The following LRFN5 variants were observed in gnomAD, a reference collection of about 807,000 sequenced individuals.
LRFN5 encodes leucine rich repeat and fibronectin type III domain containing 5.
LRFN5 carries 24 observed loss-of-function variants against 45.6 expected under a neutral mutation model. That is an observed-to-expected ratio of 0.53 (90% CI 0.38 to 0.74). The LOEUF (loss-of-function observed/expected upper bound fraction) is 0.74, where lower values mean the gene tolerates loss of function less well. Ranked by LOEUF, LRFN5 falls within the 30% of genes least tolerant of loss-of-function variation. LRFN5 has a pLI of 0.00. For missense variants in LRFN5, 776 were observed against 861.5 expected (o/e 0.90, Z 1.24); for synonymous variants, 340 against 313.8 (o/e 1.08, Z -0.88).
chr14:41,865,127 G>C (rs531207236), intron 2 of LRFN5, among the ~76,000 whole-genome samples: 6 of 151,940 alleles, frequency 3.9e-5, no homozygotes, highest in African/African-American at 1.4e-4. Context: ...GTGCAATCTA[G>C]TGTTTTTTAG....
chr14:41,722,050 A>G (rs1363935693), intron 1 of LRFN5, among the ~76,000 whole-genome samples: 1 of 151,980 alleles, frequency 6.6e-6, no homozygotes, highest in African/African-American at 2.4e-5. Context: ...TTTTTTGAAG[A>G]CTTTGTTCAT....
chr14:41,831,507 C>A (rs1175562882), intron 2 of LRFN5, among the ~76,000 whole-genome samples: 1 of 152,076 alleles, frequency 6.6e-6, no homozygotes, highest in Non-Finnish European at 1.5e-5. Flanking sequence ...GCTATACTTA[C>A]ATAGATGTAT....
intron 1 of LRFN5, among the ~76,000 whole-genome samples, chr14:41,765,180 A>C (rs1475978676): frequency 2.0e-5 from 3 of 151,894 alleles, no homozygotes; most frequent in African/African-American, 4.8e-5. Context: ...TCTCTACTAA[A>C]AGTACAAAAA....
At chr14:41,833,909 T>C (rs1474569041) in intron 2 of LRFN5, among the ~76,000 whole-genome samples, 1 of 152,200 alleles carries the variant, frequency 6.6e-6, no homozygotes, top group Non-Finnish European at 1.5e-5. Flanking sequence ...ATTTACTTAT[T>C]ATTGTGAATC....
intron 3 of LRFN5, 47 bp from the exon 4 acceptor site, chr14:41,891,203 T>C: frequency 7.1e-7 from 1 of 1,416,666 alleles, no homozygotes; most frequent in South Asian, 1.2e-5. Flanking sequence ...TCTGTGTATG[T>C]GTTTTGTTTT....
intron 2 of LRFN5, among the ~76,000 whole-genome samples, chr14:41,793,700 GA>G (rs35581928): frequency 0.16 from 22,835 of 145,882 alleles, 1,846 homozygotes; most frequent in Non-Finnish European, 0.19. Flanking sequence ...CTACTCCTAA[GA>G]AAAAAAAAAA....
intron 2 of LRFN5, among the ~76,000 whole-genome samples, chr14:41,790,533 T>G (rs1048732346): frequency 6.6e-6 from 1 of 151,366 alleles, no homozygotes; most frequent in Non-Finnish European, 1.5e-5. Context: ...TTCTGCTAAT[T>G]AATATTTGCT....
At chr14:41,724,911 C>A (rs934574750) in intron 1 of LRFN5, among the ~76,000 whole-genome samples, 30 of 152,066 alleles carry the variant, frequency 2.0e-4, no homozygotes, top group Non-Finnish European at 1.2e-4. Flanking sequence ...CTTTCAAAAG[C>A]CTTGTAGATT....
intron 1 of LRFN5, among the ~76,000 whole-genome samples, chr14:41,681,750 T>C (rs1016249183): frequency 6.6e-6 from 1 of 151,856 alleles, no homozygotes; most frequent in Non-Finnish European, 1.5e-5. Context: ...CAGAATATTA[T>C]AACACTGTAA....
chr14:41,648,018 A>G (rs1879900722), intron 1 of LRFN5, among the ~76,000 whole-genome samples: 1 of 152,208 alleles, frequency 6.6e-6, no homozygotes, highest in African/African-American at 2.4e-5. Flanking sequence ...GTAACCCTAT[A>G]TTAACATATC....
At chr14:41,790,577 GTT>G (rs10711984) in intron 2 of LRFN5, among the ~76,000 whole-genome samples, 1,532 of 143,064 alleles carry the variant, frequency 0.011, 26 homozygotes, top group African/African-American at 0.034. Flanking sequence ...GGCTAATTTT[GTT>G]TTTTTTTTTT....
At chr14:41,880,520 ACTTT>A (rs1266403720) in intron 2 of LRFN5, among the ~76,000 whole-genome samples, 3 of 152,098 alleles carry the variant, frequency 2.0e-5, no homozygotes, top group African/African-American at 7.2e-5. Flanking sequence ...TTAATTAATT[ACTTT>A]AATTTTAATT....
At chr14:41,674,645 TGGG>T (rs1207624294) in intron 1 of LRFN5, among the ~76,000 whole-genome samples, 1 of 133,164 alleles carries the variant, frequency 7.5e-6, no homozygotes, top group African/African-American at 2.9e-5. Flanking sequence ...GTTGGCCAGG[TGGG>T]GGGCTGATCC....
In LRFN5 at chr14:41,854,818, G is replaced by A. The variant is rs1381432025; in HGVS notation, c.-20-31788G>A. 2.0e-5 allele frequency among the ~76,000 whole-genome samples: 3 copies of A among 152,050 alleles called. No homozygotes were observed. In the East Asian group the frequency reaches 5.8e-4, roughly 29 times the overall value. ...AAAGGAGATTGATTTGTGGAGGAGA[G>A]CCTAATTATCTTGTAGGTTTTAAAC... On this transcript the variant is annotated intron_variant, in intron 2 of 5. Transcript: ENST00000298119.
At chr14:41,661,943 T>C (rs980767975) in intron 1 of LRFN5, among the ~76,000 whole-genome samples, 1 of 152,076 alleles carries the variant, frequency 6.6e-6, no homozygotes, top group African/African-American at 2.4e-5. Context: ...TAACTACTTA[T>C]CATTATTTGT....
At chr14:41,868,596 A>T (rs989447622) in intron 2 of LRFN5, among the ~76,000 whole-genome samples, 2 of 152,134 alleles carry the variant, frequency 1.3e-5, no homozygotes, top group African/African-American at 4.8e-5. Context: ...GTATGAATGG[A>T]ATGTAGGCCA....
intron 2 of LRFN5, among the ~76,000 whole-genome samples, chr14:41,772,709 C>T (rs1886133809): frequency 6.6e-6 from 1 of 152,090 alleles, no homozygotes; most frequent in African/African-American, 2.4e-5. Context: ...GAAAACTAAC[C>T]TCTTGATTAT....
chr14:41,700,810 A>C (rs1388931334), intron 1 of LRFN5: 1 of 152,062 alleles, frequency 6.6e-6, no homozygotes, highest in Non-Finnish European at 1.5e-5. Flanking sequence ...CTTGTCCAGA[A>C]ACAGCTATCT....
intron 2 of LRFN5, among the ~76,000 whole-genome samples, chr14:41,865,129 GT>G (rs542854840): frequency 8.8e-4 from 134 of 152,052 alleles, no homozygotes; most frequent in African/African-American, 3.2e-3. Context: ...GCAATCTAGT[GT>G]TTTTTAGTGT....
Sources: allele counts gnomAD v4.1 joint callset (sites outside exome capture counted in the v4.1 genomes callset), GRCh38; gene constraint gnomAD v4.1.1; transcripts MANE v1.5; gene names NCBI Gene and HGNC (gene_info 2026-07-23, HGNC 2026-07-21).